Variants in SMYD3 observed in about 807,000 individuals in gnomAD.
SMYD3 encodes histone-lysine N-methyltransferase SMYD3.
Under a neutral mutation model 57.7 loss-of-function variants are expected in SMYD3, and 36 were observed. The ratio of observed to expected loss-of-function variants is 0.62; its 90% CI spans 0.48 to 0.82. The LOEUF is 0.82. SMYD3 is among the 40% of genes least tolerant of loss of function. The pLI is 0.00. For missense variants in SMYD3, 515 were observed against 538.8 expected, an observed-to-expected ratio of 0.96 and a Z score of 0.44; for synonymous variants, 211 against 195.0, an observed-to-expected ratio of 1.08 and a Z score of -0.68.
At chr1:245,961,893 C>T (rs994645454) in intron 5 of SMYD3, among the ~76,000 whole-genome samples, 1 of 152,118 alleles carries the variant, frequency 6.6e-6, no homozygotes, top group African/African-American at 2.4e-5. Flanking sequence ...AGTAAGCTGC[C>T]GGATAAAAGT....
chr1:246,381,917 C>A (rs1175032975), intron 1 of SMYD3, among the ~76,000 whole-genome samples: 1 of 144,446 alleles, frequency 6.9e-6, no homozygotes, highest in South Asian at 2.2e-4. Context: ...AGGCCCACCG[C>A]GGGCTCCAGG....
intron 1 of SMYD3, among the ~76,000 whole-genome samples, chr1:246,482,848 A>T: frequency 6.6e-6 from 1 of 152,222 alleles, no homozygotes; most frequent in East Asian, 1.9e-4. Context: ...CTGGGAAACC[A>T]GCAGTTGGGG....
chr1:245,804,549 C>G (rs1300031399), intron 10 of SMYD3, among the ~76,000 whole-genome samples: 2 of 152,160 alleles, frequency 1.3e-5, no homozygotes, highest in Non-Finnish European at 2.9e-5. Flanking sequence ...CAAAGCGAGA[C>G]TCCGTCTCAA....
intron 5 of SMYD3, among the ~76,000 whole-genome samples, chr1:246,287,408 T>C (rs1323133441): frequency 6.6e-6 from 1 of 152,240 alleles, no homozygotes; most frequent in African/African-American, 2.4e-5. Flanking sequence ...TAATAGTTTA[T>C]GTTTTCTAAA....
At chr1:246,281,162 C>A (rs1042569808) in intron 5 of SMYD3, among the ~76,000 whole-genome samples, 3 of 152,214 alleles carry the variant, frequency 2.0e-5, no homozygotes, top group African/African-American at 7.2e-5. Context: ...GAATTCAATT[C>A]TAGCATATCA....
chr1:246,303,415 T>G (rs999479806), intron 5 of SMYD3, among the ~76,000 whole-genome samples: 8 of 152,174 alleles, frequency 5.3e-5, no homozygotes, highest in African/African-American at 1.9e-4. Flanking sequence ...GGTGCTCAAG[T>G]CCCTTAGATT....
chr1:246,202,980 CTG>C lies in SMYD3; in HGVS notation c.531+124219_531+124220del, dbSNP rs1236919244. ...TCTCTACTAAAAATACAAAATTTAG[CTG>C]GTCGTGGTGGTGGGCGCCTATAATC... On this transcript the variant is annotated intron_variant, in intron 5 of 11. Coordinates refer to ENST00000490107, the MANE Select transcript of SMYD3 (RefSeq NM_001167740.2). This position sits in a 1 kb window ranked among gnomAD's most constrained non-coding sequence, Gnocchi z 4.1. Among the ~76,000 whole-genome samples, 1 of 152,078 alleles carries C rather than the reference CTG, an allele frequency of 6.6e-6. No homozygotes were observed. The highest frequency in any genetic ancestry group is 1.9e-4 in the East Asian group (1 of 5,170).
chr1:245,784,723 C>A (rs1482440690), intron 10 of SMYD3, among the ~76,000 whole-genome samples: 2 of 152,138 alleles, frequency 1.3e-5, no homozygotes, highest in Non-Finnish European at 2.9e-5. Flanking sequence ...AAGGCAGAAG[C>A]TGCAGGGGTT....
intron 5 of SMYD3, among the ~76,000 whole-genome samples, chr1:246,092,902 CA>C (rs1391285500): frequency 6.7e-6 from 1 of 149,202 alleles, no homozygotes; most frequent in African/African-American, 2.5e-5. Context: ...AACTCAATAG[CA>C]AAAAAACCAC....
At chr1:246,249,997 C>T (rs770795826) in intron 5 of SMYD3, among the ~76,000 whole-genome samples, 13 of 152,194 alleles carry the variant, frequency 8.5e-5, no homozygotes, top group South Asian at 6.2e-4. Flanking sequence ...TTATAGAGCA[C>T]ATTAATAACT....
intron 5 of SMYD3, among the ~76,000 whole-genome samples, chr1:246,263,904 T>C (rs974262024): frequency 6.6e-6 from 1 of 152,196 alleles, no homozygotes; most frequent in East Asian, 1.9e-4. Context: ...GCTTATTAGG[T>C]GTAATTAATA....
intron 1 of SMYD3, among the ~76,000 whole-genome samples, chr1:246,419,409 T>C (rs1052424810): frequency 2.0e-5 from 3 of 152,200 alleles, no homozygotes; most frequent in Non-Finnish European, 4.4e-5. Context: ...CACCAATGTG[T>C]TCCTCTCACC....
chr1:246,051,235 C>G (rs1316283574), intron 5 of SMYD3, among the ~76,000 whole-genome samples: 1 of 151,608 alleles, frequency 6.6e-6, no homozygotes, highest in Admixed American at 6.6e-5. Context: ...GGCTCATCAC[C>G]TCAACCTCCT....
intron 2 of SMYD3, among the ~76,000 whole-genome samples, chr1:246,352,874 T>A (rs11587985): frequency 0.55 from 83,052 of 151,952 alleles, 23,533 homozygotes; most frequent in Middle Eastern, 0.71. Context: ...GTTTATTAAG[T>A]GTTTTATTAA....
At chr1:245,943,023 C>A (rs1042635681) in intron 5 of SMYD3, among the ~76,000 whole-genome samples, 1 of 151,864 alleles carries the variant, frequency 6.6e-6, no homozygotes, top group Non-Finnish European at 1.5e-5. Flanking sequence ...AAGCCCACAT[C>A]AAAAAGCTAG....
intron 10 of SMYD3, among the ~76,000 whole-genome samples, chr1:245,790,071 C>G (rs2047204396): frequency 6.6e-6 from 1 of 152,168 alleles, no homozygotes; most frequent in African/African-American, 2.4e-5. Context: ...GGGCCAGATA[C>G]TGGAAAGTAT....
intron 1 of SMYD3, among the ~76,000 whole-genome samples, chr1:246,439,036 T>C (rs1572502326): frequency 6.8e-6 from 1 of 147,754 alleles, no homozygotes; most frequent in Non-Finnish European, 1.5e-5. Flanking sequence ...CCCCTGACTA[T>C]GCTATGTAAA....
chr1:245,984,530 C>T (rs115042099), intron 5 of SMYD3, among the ~76,000 whole-genome samples: 1,957 of 152,272 alleles, frequency 0.013, 14 homozygotes, highest in Middle Eastern at 0.061. Flanking sequence ...CTTGAGTGTG[C>T]GTGAGAATCA....
At chr1:246,372,897 G>C (rs1432169555) in intron 1 of SMYD3, among the ~76,000 whole-genome samples, 1 of 152,144 alleles carries the variant, frequency 6.6e-6, no homozygotes, top group Non-Finnish European at 1.5e-5. Flanking sequence ...AATACAGAAA[G>C]TACAAGGAGG....
Sources: gnomAD v4.1 joint callset for allele counts (sites outside exome capture counted in the v4.1 genomes callset) on GRCh38, gnomAD v4.1.1 for gene constraint, Gnocchi (gnomAD v3.1) non-coding constraint, MANE v1.5 for transcripts, NCBI Gene and HGNC (gene_info 2026-07-23, HGNC 2026-07-21) for gene names.